VCAN: variants seen among roughly 807,000 people sequenced by gnomAD.
The protein encoded by VCAN is versican, also known as versican core protein.
VCAN carries 44 observed loss-of-function variants against 245.5 expected under a neutral mutation model. The observed-to-expected ratio is 0.18, with a 90% CI of 0.14 to 0.23. The LOEUF (loss-of-function observed/expected upper bound fraction) is 0.23. Among genes scored for constraint, VCAN ranks in the 10% least tolerant of loss-of-function variants. The pLI is 1.00. For synonymous variants in VCAN, 1,413 were observed against 1,437.0 expected (o/e 0.98, Z 0.38); for missense variants, 3,793 against 4,057.9 (o/e 0.93, Z 1.77).
intron 5 of VCAN, among the ~76,000 whole-genome samples, chr5:83,507,031 G>T (rs1745502247): frequency 6.6e-6 from 1 of 152,152 alleles, no homozygotes; most frequent in South Asian, 2.1e-4. Context: ...AATTCAAGCT[G>T]AGATTTGGGT....
chr5:83,475,542 G>A (rs1744358319), intron 1 of VCAN, among the ~76,000 whole-genome samples: 2 of 152,198 alleles, frequency 1.3e-5, no homozygotes, highest in African/African-American at 4.8e-5. Context: ...ACCAATGGAA[G>A]CAACAATTAG....
chr5:83,486,483 TG>T (rs1382217384), intron 2 of VCAN, among the ~76,000 whole-genome samples: 1 of 151,644 alleles, frequency 6.6e-6, no homozygotes, highest in Non-Finnish European at 1.5e-5. Context: ...TTTTGGGAGG[TG>T]AAGGTGAAGG....
At chr5:83,483,437 A>T in intron 1 of VCAN, 76 bp from the exon 2 acceptor site, 2 of 1,187,510 alleles carry the variant, frequency 1.7e-6, no homozygotes, top group Admixed American at 3.5e-5. Context: ...CATACAATGC[A>T]CAAAAAGCAT....
chr5:83,563,749 C>T (rs987660872), intron 12 of VCAN, among the ~76,000 whole-genome samples: 10 of 152,028 alleles, frequency 6.6e-5, no homozygotes, highest in African/African-American at 2.4e-4. Context: ...AAAGAGTTTG[C>T]GCACAAAGAA....
intron 13 of VCAN, among the ~76,000 whole-genome samples, chr5:83,579,456 G>C (rs1192455858): frequency 6.6e-6 from 1 of 151,990 alleles, no homozygotes; most frequent in African/African-American, 2.4e-5. Flanking sequence ...GTAGAAACAG[G>C]GTTTCACCAT....
In VCAN at chr5:83,555,057, T is replaced by C. The variant is rs1042167415; in HGVS notation, c.9735+19T>C. On this transcript the variant is annotated intron_variant, in intron 12 of 14. Coordinates refer to ENST00000265077, the MANE Select transcript of VCAN (RefSeq NM_004385.5). Reference sequence around the variant, plus strand: ...CACACTGGTAAGATGCCCTTGAAAATGATGTCAAGTTCTACCTTCTGGAAA... The same window carrying C: ...CACACTGGTAAGATGCCCTTGAAAACGATGTCAAGTTCTACCTTCTGGAAA... 2 of 1,612,592 alleles carry C rather than the reference T, an allele frequency of 1.2e-6. No homozygotes were observed. Among genetic ancestry groups the C allele is most frequent in the Non-Finnish European group, 1.7e-6 (2 of 1,178,922 alleles).
intron 7 of VCAN, among the ~76,000 whole-genome samples, chr5:83,530,813 AC>A (rs553022268): frequency 8.4e-4 from 127 of 152,024 alleles, no homozygotes; most frequent in African/African-American, 3.0e-3. Context: ...AAGTATTTGA[AC>A]TTTTTTTACA....
At chr5:83,580,267 A>G in intron 14 of VCAN, 40 bp from the exon 15 acceptor site, 1 of 1,613,724 alleles carries the variant, frequency 6.2e-7, no homozygotes, top group Non-Finnish European at 8.5e-7. Flanking sequence ...AGCAAGTAAT[A>G]TTGTGTGTTT....
intron 5 of VCAN, among the ~76,000 whole-genome samples, chr5:83,507,140 T>A (rs1745504479): frequency 6.6e-6 from 1 of 152,228 alleles, no homozygotes; most frequent in Admixed American, 6.5e-5. Flanking sequence ...TTTAGAAACA[T>A]GTTCCAAATC....
At chr5:83,498,101 G>A (rs991287702) in intron 5 of VCAN, among the ~76,000 whole-genome samples, 1 of 152,066 alleles carries the variant, frequency 6.6e-6, no homozygotes, top group African/African-American at 2.4e-5. Context: ...CTTCACCTGG[G>A]TTAACTACTA....
chr5:83,553,157 C>T (rs1747534352), intron 10 of VCAN, among the ~76,000 whole-genome samples: 1 of 152,196 alleles, frequency 6.6e-6, no homozygotes, highest in African/African-American at 2.4e-5. Context: ...CCTTTGCAAT[C>T]CAAAGATATA....
chr5:83,491,425 T>A (rs932449299), intron 3 of VCAN, among the ~76,000 whole-genome samples: 1 of 152,188 alleles, frequency 6.6e-6, no homozygotes, highest in African/African-American at 2.4e-5. Flanking sequence ...TGCAACACAT[T>A]AACTTTCTGA....
At chr5:83,551,761 C>T (rs1165275120) in intron 10 of VCAN, among the ~76,000 whole-genome samples, 1 of 152,166 alleles carries the variant, frequency 6.6e-6, no homozygotes, top group African/African-American at 2.4e-5. Flanking sequence ...TTCTCCTCCT[C>T]TGTAAACTAA....
intron 7 of VCAN, 79 bp downstream of exon 7, chr5:83,522,388 A>G (rs1384413064): frequency 1.4e-6 from 2 of 1,463,836 alleles, no homozygotes; most frequent in South Asian, 2.3e-5. Context: ...AAAAAAAGTC[A>G]ACATACCAAA....
intron 1 of VCAN, among the ~76,000 whole-genome samples, chr5:83,474,459 C>A (rs191038418): frequency 2.6e-5 from 4 of 152,320 alleles, no homozygotes; most frequent in African/African-American, 7.2e-5. Context: ...TGGGAAAGAA[C>A]TAGACAAGCG....
intron 11 of VCAN, among the ~76,000 whole-genome samples, chr5:83,554,597 A>G (rs565377726): frequency 6.6e-6 from 1 of 152,258 alleles, no homozygotes; most frequent in East Asian, 1.9e-4. Context: ...ATTTTTGCCA[A>G]TGGCATCGCT....
intron 7 of VCAN, among the ~76,000 whole-genome samples, chr5:83,533,218 A>G (rs1746585377): frequency 6.6e-6 from 1 of 152,180 alleles, no homozygotes; most frequent in Non-Finnish European, 1.5e-5. Flanking sequence ...ACTGCATAAT[A>G]CATTTCTGTT....
intron 2 of VCAN, among the ~76,000 whole-genome samples, chr5:83,485,589 C>T (rs903702882): frequency 6.6e-6 from 1 of 151,938 alleles, no homozygotes; most frequent in East Asian, 1.9e-4. Context: ...ATTGTAGTAG[C>T]CTGTGCATGA....
In VCAN at chr5:83,521,325, A is replaced by C; in HGVS notation, c.3019A>C (p.Ile1007Leu). 4 of 1,614,140 alleles carry C rather than the reference A, an allele frequency of 2.5e-6. 1 individual carries two copies. The South Asian group carries it at 4.4e-5, about 18-fold the overall frequency. ...LGEPSQDILV[I>L]DQTRLEATIS... ...TGAACCCTCTCAAGACATACTTGTC[A>C]TTGATCAGACTCGCCTTGAAGCGAC... Residue 1007 changes from isoleucine (I) to leucine (L), a missense_variant, in exon 7 of 15, where the codon ATT (isoleucine) becomes CTT (leucine). Transcript: ENST00000265077.
Sources: gnomAD v4.1 joint callset for allele counts (sites outside exome capture counted in the v4.1 genomes callset) on GRCh38, gnomAD v4.1.1 for gene constraint, MANE v1.5 for transcripts, NCBI Gene and HGNC (gene_info 2026-07-23, HGNC 2026-07-21) for gene names.